ARHGAP15: variants seen among roughly 807,000 people sequenced by gnomAD.
ARHGAP15 encodes Rho GTPase activating protein 15, also known as rho GTPase-activating protein 15.
In ARHGAP15, 51 loss-of-function variants were observed where a neutral mutation model predicts 63.7. That is an observed-to-expected ratio of 0.80 (90% confidence interval 0.64 to 1.01). The LOEUF is 1.01. ARHGAP15 is among the 50% of genes least tolerant of loss of function. ARHGAP15 has a pLI of 0.00. For synonymous variants in ARHGAP15, 191 were observed against 193.8 expected (o/e 0.99, Z 0.12); for missense variants, 560 against 564.6 (o/e 0.99, Z 0.08).
intron 12 of ARHGAP15, among the ~76,000 whole-genome samples, chr2:143,701,999 G>A (rs1314114641): frequency 1.3e-5 from 2 of 152,182 alleles, no homozygotes; most frequent in South Asian, 2.1e-4. Context: ...TGGTCCCATG[G>A]CCACTCCAGC....
intron 6 of ARHGAP15, among the ~76,000 whole-genome samples, chr2:143,434,479 T>C (rs1253644091): frequency 6.6e-6 from 1 of 151,964 alleles, no homozygotes; most frequent in Non-Finnish European, 1.5e-5. Flanking sequence ...CCATTTGGGG[T>C]AGTAATTGTC....
chr2:143,553,786 GA>G (rs1334487633), intron 10 of ARHGAP15, among the ~76,000 whole-genome samples: 1 of 152,092 alleles, frequency 6.6e-6, no homozygotes, highest in African/African-American at 2.4e-5. Context: ...CACTCTAAGA[GA>G]AAAAAGAAGT....
In ARHGAP15 at chr2:143,471,151, A is replaced by G. The variant is rs576817178; in HGVS notation, c.704-16222A>G. Among the ~76,000 whole-genome samples, 10 of 146,622 alleles carry G rather than the reference A, an allele frequency of 6.8e-5. No homozygotes were observed. The East Asian group carries it at 1.8e-3, about 26-fold the overall frequency. On this transcript the variant is annotated intron_variant, in intron 8 of 13. Coordinates refer to ENST00000295095, the MANE Select transcript of ARHGAP15 (RefSeq NM_018460.4). ...TACATGTATACACACATGTGTGTGTATAGATACAGAAAGAGGATATGAATA... is the reference window on the plus strand; with the variant it reads ...TACATGTATACACACATGTGTGTGTGTAGATACAGAAAGAGGATATGAATA...
intron 12 of ARHGAP15, among the ~76,000 whole-genome samples, chr2:143,670,346 T>C (rs1682455232): frequency 6.6e-6 from 1 of 152,178 alleles, no homozygotes; most frequent in Non-Finnish European, 1.5e-5. Flanking sequence ...GTATCTTATA[T>C]TGGAGGTTGA....
chr2:143,633,416 A>T (rs959211148), intron 12 of ARHGAP15, among the ~76,000 whole-genome samples: 3 of 152,182 alleles, frequency 2.0e-5, no homozygotes, highest in Non-Finnish European at 4.4e-5. Flanking sequence ...TATAAGTAAA[A>T]CTAGAAGGTG....
At chr2:143,306,555 G>A (rs1485144188) in intron 6 of ARHGAP15, among the ~76,000 whole-genome samples, 1 of 152,114 alleles carries the variant, frequency 6.6e-6, no homozygotes, top group African/African-American at 2.4e-5. Flanking sequence ...CTTGCACAGT[G>A]CCTGGCAAAC....
intron 12 of ARHGAP15, among the ~76,000 whole-genome samples, chr2:143,661,635 G>A (rs1284615223): frequency 6.6e-6 from 1 of 152,170 alleles, no homozygotes; most frequent in Non-Finnish European, 1.5e-5. Context: ...CAGAAGACGG[G>A]TGATTTCTGC....
chr2:143,189,287 T>G (rs1228063140), intron 2 of ARHGAP15, among the ~76,000 whole-genome samples: 1 of 152,172 alleles, frequency 6.6e-6, no homozygotes, highest in Non-Finnish European at 1.5e-5. Flanking sequence ...TTAGCCCCAG[T>G]GTTCTGTAAC....
chr2:143,765,109 ATGTGTGTGTGTGTGTGTGTGTGTG>A lies in ARHGAP15; in HGVS notation c.1245-2865_1245-2842del, dbSNP rs60894627. 4.7e-5 allele frequency among the ~76,000 whole-genome samples: 7 copies of A among 147,624 alleles called. No homozygotes were observed. The East Asian group carries it at 1.2e-3, about 25-fold the overall frequency. On this transcript the variant is annotated intron_variant, in intron 13 of 13. Coordinates refer to ENST00000295095, the MANE Select transcript of ARHGAP15 (RefSeq NM_018460.4). The stretch of plus-strand genomic sequence containing the variant: ...CTATCTCCATATTTGCCTCTAAAAT[ATGTGTGTGTGTGTGTGTGTGTGTG>A]TGTGTGTGTGTGTGGTAAAATTAAT...
intron 11 of ARHGAP15, among the ~76,000 whole-genome samples, chr2:143,616,918 T>A (rs1230457083): frequency 6.6e-6 from 1 of 152,196 alleles, no homozygotes; most frequent in African/African-American, 2.4e-5. Flanking sequence ...CTGAGGAAGT[T>A]TCCAATGTTT....
At chr2:143,151,113 A>T (rs2105001962) in intron 1 of ARHGAP15, among the ~76,000 whole-genome samples, 1 of 152,116 alleles carries the variant, frequency 6.6e-6, no homozygotes, top group Non-Finnish European at 1.5e-5. Context: ...TCTTTGAGAG[A>T]ACACCCTGAA....
intron 6 of ARHGAP15, among the ~76,000 whole-genome samples, chr2:143,418,545 A>G (rs1688780762): frequency 6.6e-6 from 1 of 152,184 alleles, no homozygotes; most frequent in Non-Finnish European, 1.5e-5. Context: ...CAAATTCCCA[A>G]TAGGATCTTC....
intron 6 of ARHGAP15, among the ~76,000 whole-genome samples, chr2:143,350,616 G>A (rs1314214173): frequency 4.7e-5 from 7 of 149,188 alleles, no homozygotes; most frequent in African/African-American, 1.2e-4. Flanking sequence ...TCAGGAGATC[G>A]AGACCATCCT....
chr2:143,238,676 A>C (rs991510478), intron 5 of ARHGAP15, among the ~76,000 whole-genome samples: 2 of 152,242 alleles, frequency 1.3e-5, no homozygotes, highest in Non-Finnish European at 2.9e-5. Flanking sequence ...TATTTGACCC[A>C]GCAATCCCAT....
In ARHGAP15 at chr2:143,703,640, T is replaced by G. The variant is rs1051464922; in HGVS notation, c.1244+116T>G. On this transcript the variant is annotated intron_variant, in intron 13 of 13. Transcript: ENST00000295095. ...AAATGCGTACATCTCGTATTTTCCC[T>G]TGTAGCTGAACTAGGTCTTTCTGCA... 19 of 747,072 alleles carry G rather than the reference T, an allele frequency of 2.5e-5. No individual in the cohort carries two copies. The East Asian group carries it at 4.5e-4, about 18-fold the overall frequency. 46.3% of individuals were successfully genotyped at this position (747,072 alleles called of 1,614,324 possible). A position where few individuals can be genotyped will look rare whatever the true frequency, so the allele number is the denominator to read the frequency against.
intron 10 of ARHGAP15, among the ~76,000 whole-genome samples, chr2:143,521,228 T>C (rs1694051759): frequency 6.6e-6 from 1 of 152,176 alleles, no homozygotes; most frequent in Non-Finnish European, 1.5e-5. Context: ...CAACTGATAA[T>C]TCAAAGCACT....
chr2:143,165,310 G>A (rs1314297519), intron 2 of ARHGAP15, among the ~76,000 whole-genome samples: 1 of 152,064 alleles, frequency 6.6e-6, no homozygotes, highest in Non-Finnish European at 1.5e-5. Flanking sequence ...AGGAAGAATA[G>A]TGATGACACC....
intron 6 of ARHGAP15, among the ~76,000 whole-genome samples, chr2:143,413,968 C>CGT (rs1372502803): frequency 6.4e-5 from 2 of 31,090 alleles, no homozygotes; most frequent in African/African-American, 1.5e-4. Flanking sequence ...TGTGTGTGTG[C>CGT]GCGCTCTCTG....
At chr2:143,416,817 C>T in intron 6 of ARHGAP15, among the ~76,000 whole-genome samples, 1 of 55,948 alleles carries the variant, frequency 1.8e-5, no homozygotes, top group Non-Finnish European at 3.9e-5. Flanking sequence ...CCACTTCCCC[C>T]ACCACCCCCC....
Sources: gnomAD v4.1 joint callset for allele counts (sites outside exome capture counted in the v4.1 genomes callset) on GRCh38, gnomAD v4.1.1 for gene constraint, MANE v1.5 for transcripts, NCBI Gene and HGNC (gene_info 2026-07-23, HGNC 2026-07-21) for gene names.